Variants in DPYSL3 observed in about 807,000 individuals in gnomAD.
DPYSL3 encodes the protein dihydropyrimidinase-related protein 3.
DPYSL3 carries 16 observed loss-of-function variants against 66.1 expected under a neutral mutation model. The ratio of observed to expected loss-of-function variants is 0.24; its 90% CI spans 0.16 to 0.37. DPYSL3 has a LOEUF of 0.37. Among genes scored for constraint, DPYSL3 ranks in the 10% least tolerant of loss-of-function variants. The probability of loss-of-function intolerance (pLI) is 1.00; values close to 1 mark genes in which losing one functional copy is unlikely to be tolerated. For missense variants in DPYSL3, 738 were observed against 916.2 expected (o/e 0.81, Z 2.51); for synonymous variants, 338 against 345.1 (o/e 0.98, Z 0.23).
At chr5:147,395,825 G>A in intron 12 of DPYSL3, 104 bp from the exon 13 acceptor site, 1 of 1,300,904 alleles carries the variant, frequency 7.7e-7, no homozygotes, top group Non-Finnish European at 1.1e-6. Context: ...GTGGGAGCTA[G>A]GAATTAACAA....
chr5:147,391,402 G>A lies in DPYSL3; in HGVS notation c.*2633C>T, dbSNP rs945210089. 1 of 152,544 alleles carries A rather than the reference G, an allele frequency of 6.6e-6. No individual in the cohort carries two copies. Among genetic ancestry groups the A allele is most frequent in the Non-Finnish European group, 1.5e-5 (1 of 68,044 alleles). The allele number at this position is 152,544 out of a possible 1,614,324, so 9.4% of individuals were successfully genotyped here. A position where few individuals can be genotyped will look rare whatever the true frequency, so the allele number is the denominator to read the frequency against. On this transcript the variant is annotated 3_prime_UTR_variant, in exon 14 of 14. Transcript: ENST00000343218. Reference sequence around the variant, plus strand: ...AACACCCTTTCCACTACCCAAGCCCGTGGCCCTCAGAGAGAACCGGGATGG... The same window carrying A: ...AACACCCTTTCCACTACCCAAGCCCATGGCCCTCAGAGAGAACCGGGATGG...
At chr5:147,440,087 G>A (rs762551553) in intron 1 of DPYSL3, among the ~76,000 whole-genome samples, 20 of 152,170 alleles carry the variant, frequency 1.3e-4, no homozygotes, top group Non-Finnish European at 2.8e-4. Context: ...CAGATCACGA[G>A]GTCAGGAGAT....
chr5:147,403,355 C>T (rs1758246399), intron 8 of DPYSL3, among the ~76,000 whole-genome samples: 1 of 152,072 alleles, frequency 6.6e-6, no homozygotes, highest in African/African-American at 2.4e-5. Context: ...GAAATAGAAT[C>T]TTAAAAGTGG....
rs1561779787 is a variant in DPYSL3, at chr5:147,417,358, A to AGCAGGCAGCTGCTGAGAAG, written c.655+1088_655+1089insCTTCTCAGCAGCTGCCTGC. Among the ~76,000 whole-genome samples the AGCAGGCAGCTGCTGAGAAG allele has an allele frequency of 2.0e-5, 3 of 152,174 alleles. No individual in the cohort carries two copies. In the East Asian group the frequency reaches 5.8e-4, roughly 29 times the overall value. On this transcript the variant is annotated intron_variant, in intron 3 of 13. Transcript: ENST00000343218. ...TGTCTGGGGCAACACCAGGACTTTC[A>AGCAGGCAGCTGCTGAGAAG]TCAGCAGGCAGCTGCTGAGAAGTCA...
At chr5:147,442,240 G>A (rs778729771) in intron 1 of DPYSL3, among the ~76,000 whole-genome samples, 1 of 152,232 alleles carries the variant, frequency 6.6e-6, no homozygotes, top group East Asian at 1.9e-4. Context: ...CCAGTAAGGA[G>A]TGGGGAAGAA....
chr5:147,433,978 T>A (rs1368608525), intron 1 of DPYSL3, among the ~76,000 whole-genome samples: 2 of 148,808 alleles, frequency 1.3e-5, no homozygotes, highest in East Asian at 2.0e-4. Context: ...TGCAGTGAGC[T>A]GAGATTGCAC....
intron 6 of DPYSL3, among the ~76,000 whole-genome samples, chr5:147,412,392 T>C (rs564383191): frequency 2.0e-5 from 3 of 152,324 alleles, no homozygotes; most frequent in Admixed American, 6.5e-5. Context: ...GCCAGCCCTC[T>C]TTCTGTTTTA....
chr5:147,467,184 C>G (rs2126418553), intron 1 of DPYSL3, among the ~76,000 whole-genome samples: 2 of 152,220 alleles, frequency 1.3e-5, no homozygotes, highest in Middle Eastern at 6.8e-3. Flanking sequence ...GTTAGATTTT[C>G]CAAATTTGTT....
At chr5:147,413,765 C>G in intron 4 of DPYSL3, 108 bp from the exon 5 acceptor site, 1 of 860,106 alleles carries the variant, frequency 1.2e-6, no homozygotes, top group South Asian at 1.5e-5. Context: ...CTGCATTACC[C>G]GGGCTCCTGT....
chr5:147,503,633 A>G (rs1402133029), intron 1 of DPYSL3, among the ~76,000 whole-genome samples: 2 of 152,246 alleles, frequency 1.3e-5, no homozygotes, highest in Admixed American at 1.3e-4. Context: ...TGTAATTTAT[A>G]TATATGCACA....
At chr5:147,462,565 T>C (rs1335380550) in intron 1 of DPYSL3, among the ~76,000 whole-genome samples, 4 of 152,258 alleles carry the variant, frequency 2.6e-5, no homozygotes, top group East Asian at 3.9e-4. Flanking sequence ...AACAAATTAT[T>C]GCACTAGGGA....
chr5:147,500,666 T>A (rs1035973422), intron 1 of DPYSL3, among the ~76,000 whole-genome samples: 8 of 145,640 alleles, frequency 5.5e-5, no homozygotes, highest in Non-Finnish European at 1.5e-5. Flanking sequence ...AATTAAAAAA[T>A]GAGCCAAAGA....
Position 147,509,565 on chromosome 5 carries a change from G to T in DPYSL3, c.294C>A (p.Pro98=). The T allele has an allele frequency of 6.5e-7, 1 of 1,535,012 alleles. No individual in the cohort carries two copies. The change falls in exon 1 of 14, where the codon CCC becomes CCA. Residue 98 remains proline, a synonymous_variant. Transcript: ENST00000343218. The surrounding 1 kb of genome is among the most constrained non-coding windows in gnomAD (Gnocchi z 5.3). ...CGGCGGGGGCGGGGGAGGCGGGCGC[G>T]GGCTCCCTGCTCTCTTCCCGGCCTT... ...RGQGREESRE[P]APASPAPAGV... is the part of the protein sequence containing the mutation.
At chr5:147,451,316 C>T (rs574722083) in intron 1 of DPYSL3, among the ~76,000 whole-genome samples, 89 of 152,294 alleles carry the variant, frequency 5.8e-4, no homozygotes, top group Admixed American at 2.9e-3. Context: ...GCTGGAGATA[C>T]AGCCCCAGCT....
intron 1 of DPYSL3, among the ~76,000 whole-genome samples, chr5:147,488,305 G>A (rs920344032): frequency 6.6e-6 from 1 of 152,214 alleles, no homozygotes; most frequent in Non-Finnish European, 1.5e-5. Flanking sequence ...GATTTGGACA[G>A]CGTGTTGACA....
chr5:147,474,381 G>A (rs570098232), intron 1 of DPYSL3, among the ~76,000 whole-genome samples: 1 of 151,936 alleles, frequency 6.6e-6, no homozygotes, highest in Non-Finnish European at 1.5e-5. Flanking sequence ...ATGATACTAC[G>A]CAGGCAGAAT....
chr5:147,462,326 G>T (rs1752946083), intron 1 of DPYSL3, among the ~76,000 whole-genome samples: 1 of 152,052 alleles, frequency 6.6e-6, no homozygotes, highest in Non-Finnish European at 1.5e-5. Flanking sequence ...CCATAATATA[G>T]TCTGAAAGAT....
chr5:147,402,642 C>T (rs968314880), intron 8 of DPYSL3, among the ~76,000 whole-genome samples: 1 of 135,276 alleles, frequency 7.4e-6, no homozygotes, highest in Non-Finnish European at 1.5e-5. Context: ...CCACCGCGCC[C>T]GGCCTATGAC....
chr5:147,505,744 A>G (rs1048020470), intron 1 of DPYSL3, among the ~76,000 whole-genome samples: 4 of 152,202 alleles, frequency 2.6e-5, no homozygotes, highest in African/African-American at 9.7e-5. Context: ...CTGTTCTCCA[A>G]GGTTGAACAA....
Sources: gnomAD v4.1 joint callset for allele counts (sites outside exome capture counted in the v4.1 genomes callset) on GRCh38, gnomAD v4.1.1 for gene constraint, Gnocchi (gnomAD v3.1) non-coding constraint, MANE v1.5 for transcripts, NCBI Gene and HGNC (gene_info 2026-07-23, HGNC 2026-07-21) for gene names.